B3GALT9: variants seen among roughly 807,000 people sequenced by gnomAD.
B3GALT9 encodes the protein UDP-GlcNAc:betaGal beta-1,3-N-acetylglucosaminyltransferase 10 (putative).
intron 1 of B3GALT9, among the ~76,000 whole-genome samples, chr9:120,794,611 G>A (rs1474765065): frequency 1.3e-5 from 2 of 151,842 alleles, no homozygotes; most frequent in African/African-American, 4.8e-5. Flanking sequence ...AGGCTCAAGT[G>A]ATCCACCTGC....
Position 120,793,764 on chromosome 9 carries a change from A to G in B3GALT9, c.-340A>G. The G allele has an allele frequency of 2.5e-6, 1 of 397,864 alleles. No homozygotes were observed. The highest frequency in any genetic ancestry group is 4.4e-6 in the Non-Finnish European group (1 of 225,720). The allele number at this position is 397,864 out of a possible 1,614,324, so 24.6% of individuals were successfully genotyped here. A position where few individuals can be genotyped will look rare whatever the true frequency, so the allele number is the denominator to read the frequency against. On this transcript the variant is annotated 5_prime_UTR_variant, in exon 1 of 3. Transcript: ENST00000689072. ...GAAGTTAAGAGACGTGTCCAAATTC[A>G]TACAACCTGTTGGGCACCTCTTTAT...
intron 1 of B3GALT9, among the ~76,000 whole-genome samples, chr9:120,794,728 G>A (rs1460691667): frequency 2.6e-5 from 4 of 152,038 alleles, no homozygotes; most frequent in Non-Finnish European, 5.9e-5. Flanking sequence ...ATGCATACAC[G>A]CACATTCACA....
chr9:120,795,394 G>T (rs1164580921), intron 1 of B3GALT9, among the ~76,000 whole-genome samples: 2 of 152,158 alleles, frequency 1.3e-5, no homozygotes, highest in Non-Finnish European at 2.9e-5. Context: ...AAACCAAATT[G>T]TGCAAATTTA....
rs2044967143 is a variant in B3GALT9 at position 120,801,097 on chromosome 9, T to C, written c.*1419T>C. On this transcript the variant is annotated 3_prime_UTR_variant, in exon 3 of 3. Coordinates refer to ENST00000689072, the MANE Select transcript of B3GALT9 (RefSeq NM_001386823.1). ...CATTTTATTGTGGATATATACCACA[T>C]TTTCTTTATTCATGCACTGGTGGAC... 6.6e-6 allele frequency among the ~76,000 whole-genome samples: 1 copy of C among 152,230 alleles called. No individual in the cohort carries two copies. Among genetic ancestry groups the C allele is most frequent in the Non-Finnish European group, 1.5e-5 (1 of 68,044 alleles).
In B3GALT9 at chr9:120,798,752, C is replaced by T. The variant is rs1050900291; in HGVS notation, c.184C>T (p.Pro62Ser). The stretch of plus-strand genomic sequence containing the variant: ...TAAGGCAAGAAAATTGAACATCGAA[C>T]CCCTAAGAAGTAATCTCTCCAAATA... ...KNKARKLNIEPLRSNLSKYYV... is the reference protein window; with the variant it reads ...KNKARKLNIESLRSNLSKYYV... Residue 62 changes from proline (P) to serine (S), a missense_variant, in exon 3 of 3, where the codon CCC (proline) becomes TCC (serine). Transcript: ENST00000689072. The T allele has an allele frequency of 7.5e-6, 3 of 398,944 alleles. No homozygotes were observed. Among genetic ancestry groups the T allele is most frequent in the African/African-American group, 6.2e-5 (3 of 48,624 alleles). The allele number at this position is 398,944 out of a possible 1,614,324, so 24.7% of individuals were successfully genotyped here. A position where few individuals can be genotyped will look rare whatever the true frequency, so the allele number is the denominator to read the frequency against.
In B3GALT9 at chr9:120,794,977, C is replaced by T. The variant is rs532584803; in HGVS notation, c.-182+1055C>T. Among the ~76,000 whole-genome samples the T allele has an allele frequency of 1.1e-4, 16 of 152,222 alleles. No homozygotes were observed. In the South Asian group the frequency reaches 2.3e-3, roughly 22 times the overall value. ...TATAGACAATAAGAGAGACACATAT[C>T]CAGTAGATGGTAGAGCATGGCCAAG... On this transcript the variant is annotated intron_variant, in intron 1 of 2. Coordinates refer to ENST00000689072, the MANE Select transcript of B3GALT9 (RefSeq NM_001386823.1).
rs1588060134 is a variant in B3GALT9, at chr9:120,800,756, T to G, written c.*1078T>G. ...ACTTAAAATCTACTCTACTAACAAT[T>G]ATCAGATATTGATATATTGCTGTTA... On this transcript the variant is annotated 3_prime_UTR_variant, in exon 3 of 3. Transcript: ENST00000689072. Among the ~76,000 whole-genome samples the G allele has an allele frequency of 2.0e-5, 3 of 152,206 alleles. No homozygotes were observed. The South Asian group carries it at 6.2e-4, about 31-fold the overall frequency.
chr9:120,793,514 G>A lies in B3GALT9; in HGVS notation c.-590G>A, dbSNP rs889188291. 5.0e-6 allele frequency: 2 copies of A among 399,972 alleles called. No homozygotes were observed. The highest frequency in any genetic ancestry group is 1.2e-4 in the South Asian group (1 of 8,048). 24.8% of individuals were successfully genotyped at this position (399,972 alleles called of 1,614,324 possible). A position where few individuals can be genotyped will look rare whatever the true frequency, so the allele number is the denominator to read the frequency against. ...GGTGGGTGGTGGGAGGCTGGAGGCCGGGAGTAGGGGTGGGGAGAAGAGCGT... is the reference window on the plus strand; with the variant it reads ...GGTGGGTGGTGGGAGGCTGGAGGCCAGGAGTAGGGGTGGGGAGAAGAGCGT... On this transcript the variant is annotated 5_prime_UTR_variant, in exon 1 of 3. Transcript: ENST00000689072.
rs1416622416 is a variant in B3GALT9, at chr9:120,798,990, G to T, written c.422G>T (p.Cys141Phe). The change falls in exon 3 of 3, where the codon TGT becomes TTT. Residue 141 changes from cysteine to phenylalanine, a missense_variant. Physicochemically the swap from Cys to Phe is radical, Grantham distance 205 (BLOSUM62 -2). Transcript: ENST00000689072. The stretch of plus-strand genomic sequence containing the variant: ...CAGAAAGAGATCAACAAAGAATCCT[G>T]TAAGAATAATGATATAATTGAAGGA... ...TTQKEINKES[C>F]KNNDIIEGIF... 2.3e-5 allele frequency: 9 copies of T among 398,924 alleles called. No individual in the cohort carries two copies. Among genetic ancestry groups the T allele is most frequent in the Non-Finnish European group, 3.5e-5 (8 of 226,074 alleles). 24.7% of individuals were successfully genotyped at this position (398,924 alleles called of 1,614,324 possible).
In B3GALT9 at chr9:120,799,125, C is replaced by G. The variant is rs768424714; in HGVS notation, c.557C>G (p.Thr186Arg). 2.5e-6 allele frequency: 1 copy of G among 398,918 alleles called. No individual in the cohort carries two copies. Among genetic ancestry groups the G allele is most frequent in the Non-Finnish European group, 4.4e-6 (1 of 226,060 alleles). The allele number at this position is 398,918 out of a possible 1,614,324, so 24.7% of individuals were successfully genotyped here. A position where few individuals can be genotyped will look rare whatever the true frequency, so the allele number is the denominator to read the frequency against. The change falls in exon 3 of 3, where the codon ACG becomes AGG. Residue 186 changes from threonine to arginine, a missense_variant. Physicochemically the swap from Thr to Arg is moderately conservative, Grantham distance 71. Coordinates refer to ENST00000689072, the MANE Select transcript of B3GALT9 (RefSeq NM_001386823.1). ...TTCATTCTCAAGGTGGATGAAGAGA[C>G]GTTTGTCAATCTACCAAGCTTGGTA... ...ALFILKVDEE[T>R]FVNLPSLVDY...
At chr9:120,796,639 G>A (rs887381723) in intron 2 of B3GALT9, 30 bp downstream of exon 2, 8 of 152,332 alleles carry the variant, frequency 5.3e-5, no homozygotes, top group Admixed American at 4.6e-4. Context: ...TAAAGCATTT[G>A]ATATCTAGTA....
chr9:120,798,728 A>G lies in B3GALT9; in HGVS notation c.160A>G (p.Lys54Glu). 2.5e-6 allele frequency: 1 copy of G among 399,150 alleles called. No individual in the cohort carries two copies. Among genetic ancestry groups the G allele is most frequent in the African/African-American group, 2.1e-5 (1 of 48,762 alleles). 24.7% of individuals were successfully genotyped at this position (399,150 alleles called of 1,614,324 possible). A position where few individuals can be genotyped will look rare whatever the true frequency, so the allele number is the denominator to read the frequency against. ...TGTGAAAGTTCTTGAAATTAAGAATAAGGCAAGAAAATTGAACATCGAACC... is the reference window on the plus strand; with the variant it reads ...TGTGAAAGTTCTTGAAATTAAGAATGAGGCAAGAAAATTGAACATCGAACC... ...IDVKVLEIKN[K>E]ARKLNIEPLR... Residue 54 changes from lysine (K) to glutamate (E), a missense_variant, in exon 3 of 3, where the codon AAG becomes GAG. Lys to Glu is a moderately conservative substitution (Grantham distance 56). Coordinates refer to ENST00000689072, the MANE Select transcript of B3GALT9 (RefSeq NM_001386823.1).
In B3GALT9 at chr9:120,799,295, A is replaced by C. The variant is rs1001577364; in HGVS notation, c.727A>C (p.Ser243Arg). 2.5e-6 allele frequency: 1 copy of C among 399,548 alleles called. No individual in the cohort carries two copies. The highest frequency in any genetic ancestry group is 4.4e-6 in the Non-Finnish European group (1 of 226,194). 24.8% of individuals were successfully genotyped at this position (399,548 alleles called of 1,614,324 possible). A position where few individuals can be genotyped will look rare whatever the true frequency, so the allele number is the denominator to read the frequency against. The stretch of plus-strand genomic sequence containing the variant: ...AGAAAAATACTACCCAGATTACTGC[A>C]GTGGTGAGGCCTTTATAATGTCCCA... ...YPEKYYPDYC[S>R]GEAFIMSQDV... The change falls in exon 3 of 3, where the codon AGT (serine) becomes CGT (arginine). Residue 243 changes from serine to arginine, a missense_variant. Coordinates refer to ENST00000689072, the MANE Select transcript of B3GALT9 (RefSeq NM_001386823.1).
rs1465382504 is a variant in B3GALT9 at position 120,801,303 on chromosome 9, T to C, written c.*1625T>C. On this transcript the variant is annotated 3_prime_UTR_variant, in exon 3 of 3. Transcript: ENST00000689072. ...ACCTCCATAATGGCTGTATTATTGGTTTACCATAATGGCTCATTGTGGTTT... is the reference window on the plus strand; with the variant it reads ...ACCTCCATAATGGCTGTATTATTGGCTTACCATAATGGCTCATTGTGGTTT... Among the ~76,000 whole-genome samples, 2 of 152,254 alleles carry C rather than the reference T, an allele frequency of 1.3e-5. No homozygotes were observed. The highest frequency in any genetic ancestry group is 2.9e-5 in the Non-Finnish European group (2 of 68,040).
At position 120,799,264 on chromosome 9, in the gene B3GALT9, G is replaced by A; in HGVS notation, c.696G>A (p.Glu232=). The A allele has an allele frequency of 2.5e-6, 1 of 399,384 alleles. No homozygotes were observed. The highest frequency in any genetic ancestry group is 3.6e-5 in the East Asian group (1 of 28,078). 24.7% of individuals were successfully genotyped at this position (399,384 alleles called of 1,614,324 possible). Residue 232 remains glutamate (E), a synonymous_variant, in exon 3 of 3, where the codon GAG becomes GAA. Transcript: ENST00000689072. ...ACAGAGACTTTGTCCCTCTTAGTGAGTACCCAGAAAAATACTACCCAGATT... is the reference window on the plus strand; with the variant it reads ...ACAGAGACTTTGTCCCTCTTAGTGAATACCCAGAAAAATACTACCCAGATT... ...PQNRDFVPLS[E]YPEKYYPDYC... is the part of the protein sequence containing the mutation.
intron 1 of B3GALT9, among the ~76,000 whole-genome samples, chr9:120,795,804 C>T (rs938546929): frequency 2.0e-5 from 3 of 152,198 alleles, no homozygotes; most frequent in South Asian, 4.1e-4. Flanking sequence ...TTTCTTTTCT[C>T]GAAATAAACT....
chr9:120,799,588 C>T lies in B3GALT9; in HGVS notation c.1020C>T (p.Leu340=), dbSNP rs987042788. 4.3e-5 allele frequency: 17 copies of T among 399,646 alleles called. No individual in the cohort carries two copies. The highest frequency in any genetic ancestry group is 8.8e-5 in the Admixed American group (2 of 22,728). 24.8% of individuals were successfully genotyped at this position (399,646 alleles called of 1,614,324 possible). A position where few individuals can be genotyped will look rare whatever the true frequency, so the allele number is the denominator to read the frequency against. Residue 340 remains leucine (L), a synonymous_variant, in exon 3 of 3, where the codon CTC becomes CTT. Coordinates refer to ENST00000689072, the MANE Select transcript of B3GALT9 (RefSeq NM_001386823.1). ...CACTGTTTGAGACATCCTATGAGCT[C>T]ATTTCCTGCAAACTTCTGACGTACC... ...ECTLFETSYE[L]ISCKLLTYLD... is the part of the protein sequence containing the mutation.
In B3GALT9 at chr9:120,796,534, A is replaced by C. The variant is rs1333009159; in HGVS notation, c.-70A>C. The C allele has an allele frequency of 1.3e-5, 2 of 152,212 alleles. No individual in the cohort carries two copies. The highest frequency in any genetic ancestry group is 2.4e-5 in the African/African-American group (1 of 41,448). 9.4% of individuals were successfully genotyped at this position (152,212 alleles called of 1,614,324 possible). On this transcript the variant is annotated 5_prime_UTR_variant, in exon 2 of 3. Transcript: ENST00000689072. ...TTGCTGTTAGACTAGAGTGATCCTG[A>C]GATGCGTTTGGGCATAATTGGCACC...
At chr9:120,797,045 A>C (rs1224766057) in intron 2 of B3GALT9, among the ~76,000 whole-genome samples, 5 of 135,558 alleles carry the variant, frequency 3.7e-5, no homozygotes, top group Non-Finnish European at 6.3e-5. Context: ...CCACAGAGTG[A>C]GACTCTGTCT....
Sources: allele counts gnomAD v4.1 joint callset (sites outside exome capture counted in the v4.1 genomes callset), GRCh38; gene constraint gnomAD v4.1.1; transcripts MANE v1.5; gene names NCBI Gene and HGNC (gene_info 2026-07-23, HGNC 2026-07-21).